IKZF3: variants seen among roughly 807,000 people sequenced by gnomAD.
The protein encoded by IKZF3 is zinc finger protein Aiolos.
A neutral mutation model predicts 49.0 loss-of-function variants in IKZF3; 10 were observed. The ratio of observed to expected loss-of-function variants is 0.20; its 90% confidence interval spans 0.13 to 0.35. The LOEUF is 0.35. Ranked by LOEUF, IKZF3 falls within the 10% of genes least tolerant of loss-of-function variation. The probability of loss-of-function intolerance (pLI) is 1.00; values close to 1 mark genes in which losing one functional copy is unlikely to be tolerated. For missense variants in IKZF3, 498 were observed against 664.8 expected (o/e 0.75, Z 2.76); for synonymous variants, 209 against 228.2 (o/e 0.92, Z 0.76).
intron 7 of IKZF3, among the ~76,000 whole-genome samples, chr17:39,771,619 C>G (rs370844671): frequency 6.6e-6 from 1 of 152,102 alleles, no homozygotes. Flanking sequence ...GTGGTAGTGA[C>G]GGTGGTGGAG....
chr17:39,851,068 T>TAG (rs1211091094), intron 1 of IKZF3, among the ~76,000 whole-genome samples: 2 of 147,324 alleles, frequency 1.4e-5, no homozygotes, highest in East Asian at 2.0e-4. Flanking sequence ...TATATATATA[T>TAG]ATAGAGAGAG....
intron 7 of IKZF3, among the ~76,000 whole-genome samples, chr17:39,775,314 G>A (rs935265010): frequency 6.6e-6 from 1 of 152,124 alleles, no homozygotes; most frequent in Admixed American, 6.5e-5. Context: ...GAGAGAATGT[G>A]ATGGTTCAGA....
chr17:39,774,524 A>G (rs1214695751), intron 7 of IKZF3, among the ~76,000 whole-genome samples: 1 of 152,158 alleles, frequency 6.6e-6, no homozygotes, highest in African/African-American at 2.4e-5. Flanking sequence ...GTCACAAATA[A>G]TGTTCCTTTC....
chr17:39,792,792 T>G lies in IKZF3; in HGVS notation c.305A>C (p.Glu102Ala), dbSNP rs763874014. ...EYNEYENIKL[E>A]RHVVSFDSSR... ...ACTATCGAATGAGACAACATGTCTC[T>G]CCAACTTAATGTTTTCATATTCATT... is the stretch of plus-strand genomic sequence containing the variant. The change falls in exon 4 of 8, where the codon GAG becomes GCG. Residue 102 changes from glutamate to alanine, a missense_variant. Coordinates refer to ENST00000346872, the MANE Select transcript of IKZF3 (RefSeq NM_012481.5). The G allele has an allele frequency of 6.2e-7, 1 of 1,614,190 alleles. No individual in the cohort carries two copies. Among genetic ancestry groups the G allele is most frequent in the South Asian group, 1.1e-5 (1 of 91,082 alleles).
intron 3 of IKZF3, among the ~76,000 whole-genome samples, chr17:39,825,935 T>C (rs1414901270): frequency 6.6e-6 from 1 of 152,170 alleles, no homozygotes; most frequent in Non-Finnish European, 1.5e-5. Context: ...TCTTTTCCCC[T>C]ACAATTGACT....
chr17:39,778,556 A>T (rs956978057), intron 6 of IKZF3, among the ~76,000 whole-genome samples: 4 of 152,184 alleles, frequency 2.6e-5, no homozygotes, highest in Non-Finnish European at 5.9e-5. Flanking sequence ...TAATCCCAGC[A>T]CTTTGGGAGG....
At chr17:39,835,509 G>T (rs1209850895) in intron 1 of IKZF3, 3 of 433,326 alleles carry the variant, frequency 6.9e-6, no homozygotes, top group Admixed American at 5.4e-5. Context: ...TACAACGCAG[G>T]TCATCCTGTG....
intron 1 of IKZF3, among the ~76,000 whole-genome samples, chr17:39,842,168 A>G (rs2062495730): frequency 6.6e-6 from 1 of 152,132 alleles, no homozygotes; most frequent in Non-Finnish European, 1.5e-5. Context: ...TAGCGTCTAG[A>G]TATTAACTTC....
chr17:39,805,031 A>G (rs2061403385), intron 3 of IKZF3, among the ~76,000 whole-genome samples: 1 of 152,038 alleles, frequency 6.6e-6, no homozygotes, highest in Non-Finnish European at 1.5e-5. Flanking sequence ...CACTTATCTC[A>G]CACTCAACAA....
chr17:39,788,860 T>C (rs1260487835), intron 5 of IKZF3, among the ~76,000 whole-genome samples: 1 of 152,220 alleles, frequency 6.6e-6, no homozygotes, highest in African/African-American at 2.4e-5. Context: ...TTTGGGTAAA[T>C]TTAGCTCATC....
intron 3 of IKZF3, among the ~76,000 whole-genome samples, chr17:39,800,068 G>A (rs1411198575): frequency 6.6e-6 from 1 of 152,172 alleles, no homozygotes; most frequent in Non-Finnish European, 1.5e-5. Context: ...TTTAATAAAG[G>A]CAGAAAATCT....
chr17:39,796,902 C>A (rs2061178638), intron 3 of IKZF3, among the ~76,000 whole-genome samples: 1 of 150,790 alleles, frequency 6.6e-6, no homozygotes, highest in Non-Finnish European at 1.5e-5. Context: ...CGGTGGCTCA[C>A]ACCTGTAATT....
chr17:39,782,782 C>T (rs2060777324), intron 6 of IKZF3, among the ~76,000 whole-genome samples: 1 of 152,134 alleles, frequency 6.6e-6, no homozygotes, highest in African/African-American at 2.4e-5. Flanking sequence ...ACAATTTGCA[C>T]ATTCAGCTCA....
intron 1 of IKZF3, among the ~76,000 whole-genome samples, chr17:39,852,527 G>T (rs913608862): frequency 1.2e-4 from 19 of 152,084 alleles, no homozygotes; most frequent in Admixed American, 3.9e-4. Context: ...ACCACACTCT[G>T]CTGGTTTTCT....
intron 1 of IKZF3, among the ~76,000 whole-genome samples, chr17:39,856,420 G>A (rs1050385670): frequency 4.6e-5 from 7 of 151,962 alleles, no homozygotes; most frequent in Non-Finnish European, 8.8e-5. Flanking sequence ...GTGGTGGCAC[G>A]TGCCACCACA....
chr17:39,850,815 C>CT (rs1352518501), intron 1 of IKZF3, among the ~76,000 whole-genome samples: 1 of 100,844 alleles, frequency 9.9e-6, no homozygotes, highest in African/African-American at 3.7e-5. Flanking sequence ...AGTATATATA[C>CT]ATATATAATA....
At chr17:39,784,181 C>T (rs1186315348) in intron 6 of IKZF3, among the ~76,000 whole-genome samples, 1 of 152,180 alleles carries the variant, frequency 6.6e-6, no homozygotes, top group Non-Finnish European at 1.5e-5. Flanking sequence ...ATATTTCCTG[C>T]TCCAAGTATT....
At chr17:39,785,838 G>A (rs1014830820) in intron 6 of IKZF3, among the ~76,000 whole-genome samples, 1 of 152,174 alleles carries the variant, frequency 6.6e-6, no homozygotes, top group Non-Finnish European at 1.5e-5. Flanking sequence ...TAAATGGAAA[G>A]TGCCATATCC....
chr17:39,849,838 G>C (rs1418664976), intron 1 of IKZF3, among the ~76,000 whole-genome samples: 2 of 151,188 alleles, frequency 1.3e-5, no homozygotes, highest in East Asian at 3.8e-4. Context: ...CCAAAAGAAT[G>C]GTAAAAATTA....
Sources: gnomAD v4.1 joint callset for allele counts (sites outside exome capture counted in the v4.1 genomes callset) on GRCh38, gnomAD v4.1.1 for gene constraint, MANE v1.5 for transcripts, NCBI Gene and HGNC (gene_info 2026-07-23, HGNC 2026-07-21) for gene names.